CRPPA: variants seen among roughly 807,000 people sequenced by gnomAD.
CRPPA encodes the protein D-ribitol-5-phosphate cytidylyltransferase.
In CRPPA, 43 loss-of-function variants were observed where a neutral mutation model predicts 52.0. The observed-to-expected ratio is 0.83, with a 90% confidence interval of 0.65 to 1.07. The LOEUF is 1.07. CRPPA is among the 50% of genes least tolerant of loss of function. The probability of loss-of-function intolerance (pLI) is 0.00; values close to 1 mark genes in which losing one functional copy is unlikely to be tolerated. For synonymous variants in CRPPA, 250 were observed against 203.5 expected (o/e 1.23, Z -1.94); for missense variants, 629 against 551.7 (o/e 1.14, Z -1.40).
intron 6 of CRPPA, among the ~76,000 whole-genome samples, chr7:16,277,695 T>C (rs879116522): frequency 6.6e-6 from 1 of 152,208 alleles, no homozygotes; most frequent in Non-Finnish European, 1.5e-5. Flanking sequence ...AGTTGGTCAC[T>C]TCACATTTAC....
intron 3 of CRPPA, among the ~76,000 whole-genome samples, chr7:16,313,635 C>G (rs1177098825): frequency 6.6e-6 from 1 of 151,864 alleles, no homozygotes; most frequent in African/African-American, 2.4e-5. Flanking sequence ...GATTTTAGGT[C>G]TTTCTTTTTT....
intron 6 of CRPPA, 119 bp downstream of exon 6, chr7:16,278,010 A>C (rs764390299): frequency 3.0e-6 from 2 of 661,340 alleles, no homozygotes; most frequent in Non-Finnish European, 5.3e-6. Flanking sequence ...CATTGAGGCA[A>C]AATAATAAGA....
intron 3 of CRPPA, among the ~76,000 whole-genome samples, chr7:16,324,005 T>C (rs1315683909): frequency 6.6e-6 from 1 of 152,142 alleles, no homozygotes; most frequent in Non-Finnish European, 1.5e-5. Flanking sequence ...GTAACACGGA[T>C]GCAAATAGGA....
At chr7:16,195,747 T>C (rs1052529352) in intron 9 of CRPPA, among the ~76,000 whole-genome samples, 56 of 152,294 alleles carry the variant, frequency 3.7e-4, no homozygotes, top group Non-Finnish European at 5.7e-4. Flanking sequence ...CTCTCACCCC[T>C]GCACTTCCAT....
intron 3 of CRPPA, among the ~76,000 whole-genome samples, chr7:16,371,558 A>C (rs1022043929): frequency 2.0e-5 from 3 of 152,230 alleles, no homozygotes; most frequent in Non-Finnish European, 4.4e-5. Context: ...CCCACAGTCC[A>C]ATCAAAAAAT....
At chr7:16,190,684 C>A (rs139378027) in intron 9 of CRPPA, among the ~76,000 whole-genome samples, 1 of 151,930 alleles carries the variant, frequency 6.6e-6, no homozygotes. Flanking sequence ...AGTTCTTTAG[C>A]GGTGATTTCT....
intron 8 of CRPPA, among the ~76,000 whole-genome samples, chr7:16,239,137 C>CAAAAAAAAAAAAAAAAAAAAAAAA (rs35537101): frequency 1.1e-5 from 1 of 88,526 alleles, no homozygotes; most frequent in African/African-American, 4.1e-5. Flanking sequence ...GACTCTGTCT[C>CAAAAAAAAAAAAAAAAAAAAAAAA]AAAAAAAAAA....
chr7:16,131,914 GC>G (rs1362070594), intron 9 of CRPPA, among the ~76,000 whole-genome samples: 1 of 152,180 alleles, frequency 6.6e-6, no homozygotes, highest in African/African-American at 2.4e-5. Flanking sequence ...AGAGCTTCAG[GC>G]TTGGGATCCC....
At chr7:16,187,022 T>C (rs757583710) in intron 9 of CRPPA, among the ~76,000 whole-genome samples, 15 of 152,208 alleles carry the variant, frequency 9.9e-5, no homozygotes, top group Admixed American at 2.0e-4. Flanking sequence ...TAAGTGAAAG[T>C]TCCTCTTTCA....
At chr7:16,226,560 C>T (rs1347057688) in intron 8 of CRPPA, among the ~76,000 whole-genome samples, 2 of 151,804 alleles carry the variant, frequency 1.3e-5, no homozygotes, top group Non-Finnish European at 2.9e-5. Context: ...TATACTGTTA[C>T]ATTTAAATTC....
intron 2 of CRPPA, among the ~76,000 whole-genome samples, chr7:16,379,090 G>C (rs140651110): frequency 0.016 from 2,447 of 152,216 alleles, 76 homozygotes; most frequent in African/African-American, 0.056. Context: ...TTCTTTTGCT[G>C]TGCAGAAGCT....
rs190455432 is a variant in CRPPA at position 16,254,079 on chromosome 7, C to G, written c.1119+4311G>C. On this transcript the variant is annotated intron_variant, in intron 8 of 9. Transcript: ENST00000407010. ...GTTAGAATGGCGATCATTAAAAAGT[C>G]AGGAAACAACAGATGCCGGAGAGGA... Among the ~76,000 whole-genome samples, 17 of 152,240 alleles carry G rather than the reference C, an allele frequency of 1.1e-4. No homozygotes were observed. In the East Asian group the frequency reaches 3.3e-3, roughly 29 times the overall value.
At chr7:16,364,014 A>G (rs1786523951) in intron 3 of CRPPA, among the ~76,000 whole-genome samples, 1 of 152,212 alleles carries the variant, frequency 6.6e-6, no homozygotes, top group African/African-American at 2.4e-5. Context: ...AAAGAATGTA[A>G]CAGATCTGAA....
intron 3 of CRPPA, among the ~76,000 whole-genome samples, chr7:16,335,195 A>T (rs899948175): frequency 1.3e-5 from 2 of 151,492 alleles, no homozygotes; most frequent in Non-Finnish European, 2.9e-5. Flanking sequence ...AGAATAAAAA[A>T]AAAAGAGTCA....
chr7:16,317,657 G>A (rs1785174004), intron 3 of CRPPA, among the ~76,000 whole-genome samples: 1 of 152,128 alleles, frequency 6.6e-6, no homozygotes, highest in Non-Finnish European at 1.5e-5. Context: ...TTCATCAATG[G>A]ACACAGGGTT....
intron 9 of CRPPA, among the ~76,000 whole-genome samples, chr7:16,125,245 T>A (rs1411684925): frequency 8.8e-6 from 1 of 114,164 alleles, no homozygotes; most frequent in Admixed American, 1.3e-4. Context: ...GGGTGACAGA[T>A]GGAGACTGTC....
chr7:16,132,933 G>A (rs1028106118), intron 9 of CRPPA, among the ~76,000 whole-genome samples: 1 of 123,202 alleles, frequency 8.1e-6, no homozygotes, highest in African/African-American at 2.6e-5. Context: ...GAGGTGGGAG[G>A]ACTGCCTGAG....
intron 9 of CRPPA, among the ~76,000 whole-genome samples, chr7:16,189,224 T>C (rs1781560666): frequency 6.6e-6 from 1 of 152,140 alleles, no homozygotes; most frequent in African/African-American, 2.4e-5. Flanking sequence ...CATTGGCAAC[T>C]GGTATATTAA....
chr7:16,397,072 AAC>A (rs1423725621), intron 2 of CRPPA, among the ~76,000 whole-genome samples: 1 of 152,196 alleles, frequency 6.6e-6, no homozygotes, highest in Non-Finnish European at 1.5e-5. Context: ...GGTGGGAGAA[AAC>A]ACATGACATG....
Sources: allele counts gnomAD v4.1 joint callset (sites outside exome capture counted in the v4.1 genomes callset), GRCh38; gene constraint gnomAD v4.1.1; transcripts MANE v1.5; gene names NCBI Gene and HGNC (gene_info 2026-07-23, HGNC 2026-07-21).